The following NAALADL2 variants were observed in gnomAD, a reference collection of about 807,000 sequenced individuals.
The protein encoded by NAALADL2 is inactive N-acetylated-alpha-linked acidic dipeptidase-like protein 2.
In NAALADL2, 76 loss-of-function variants were observed where a neutral mutation model predicts 87.2. The observed-to-expected ratio is 0.87, with a 90% CI of 0.72 to 1.05. The LOEUF (loss-of-function observed/expected upper bound fraction) is 1.05, where lower values mean the gene tolerates loss of function less well. NAALADL2 is among the 50% of genes least tolerant of loss of function. The probability of loss-of-function intolerance (pLI) is 0.00; values close to 1 mark genes in which losing one functional copy is unlikely to be tolerated. For synonymous variants in NAALADL2, 354 were observed against 331.0 expected, an observed-to-expected ratio of 1.07 and a Z score of -0.75; for missense variants, 1,089 against 945.8, an observed-to-expected ratio of 1.15 and a Z score of -1.99.
intron 2 of NAALADL2, among the ~76,000 whole-genome samples, chr3:175,146,697 C>A (rs886446928): frequency 6.6e-6 from 1 of 151,988 alleles, no homozygotes; most frequent in Non-Finnish European, 1.5e-5. Flanking sequence ...CTTCGTGATG[C>A]GTATATGTTT....
At chr3:175,602,154 G>A (rs560751302) in intron 10 of NAALADL2, among the ~76,000 whole-genome samples, 12 of 152,100 alleles carry the variant, frequency 7.9e-5, no homozygotes, top group South Asian at 4.1e-4. Flanking sequence ...TCTTATCTAC[G>A]TATTGTAACT....
At chr3:174,885,453 C>T (rs555544536) in intron 1 of NAALADL2, among the ~76,000 whole-genome samples, 2 of 152,238 alleles carry the variant, frequency 1.3e-5, no homozygotes, top group East Asian at 1.9e-4. Context: ...CTTGGTTCTC[C>T]ACATATGGTC....
At chr3:174,882,388 G>A (rs1729304445) in intron 1 of NAALADL2, among the ~76,000 whole-genome samples, 1 of 151,320 alleles carries the variant, frequency 6.6e-6, no homozygotes, top group African/African-American at 2.4e-5. Context: ...GTTCTCTAGA[G>A]GAACGGAACT....
At chr3:174,941,847 T>C (rs1738655693) in intron 1 of NAALADL2, among the ~76,000 whole-genome samples, 1 of 152,164 alleles carries the variant, frequency 6.6e-6, no homozygotes, top group Non-Finnish European at 1.5e-5. Context: ...GTTTTCCATT[T>C]GCATGGTGGA....
chr3:175,575,549 T>C (rs1010000097), intron 9 of NAALADL2, among the ~76,000 whole-genome samples: 2 of 152,040 alleles, frequency 1.3e-5, no homozygotes, highest in African/African-American at 4.8e-5. Context: ...CCTCCCAAAG[T>C]GCTGGGATTA....
intron 2 of NAALADL2, among the ~76,000 whole-genome samples, chr3:175,141,933 A>G (rs1334363668): frequency 1.3e-5 from 2 of 152,124 alleles, no homozygotes; most frequent in African/African-American, 4.8e-5. Flanking sequence ...TCTCTCACAG[A>G]ACATTTATAT....
chr3:174,959,264 T>C (rs887958083), intron 1 of NAALADL2, among the ~76,000 whole-genome samples: 2 of 152,066 alleles, frequency 1.3e-5, no homozygotes, highest in African/African-American at 4.8e-5. Context: ...AACTGTTGGA[T>C]AACTATTCAC....
intron 2 of NAALADL2, among the ~76,000 whole-genome samples, chr3:175,200,303 A>G (rs577098095): frequency 6.6e-6 from 1 of 152,244 alleles, no homozygotes; most frequent in African/African-American, 2.4e-5. Flanking sequence ...ATGATGATGG[A>G]CATTTCATAA....
chr3:175,066,206 C>T (rs543794393), intron 1 of NAALADL2, among the ~76,000 whole-genome samples: 19 of 152,196 alleles, frequency 1.2e-4, no homozygotes, highest in Non-Finnish European at 2.5e-4. Context: ...GGGAAAGACA[C>T]GAGTTATAGT....
intron 2 of NAALADL2, among the ~76,000 whole-genome samples, chr3:174,557,537 C>T (rs190745827): frequency 6.6e-6 from 1 of 152,102 alleles, no homozygotes; most frequent in East Asian, 1.9e-4. Flanking sequence ...TAATAGACTC[C>T]TTTAAGAGGT....
At chr3:174,774,638 G>C (rs1714987726) in intron 3 of NAALADL2, among the ~76,000 whole-genome samples, 1 of 152,264 alleles carries the variant, frequency 6.6e-6, no homozygotes, top group African/African-American at 2.4e-5. Flanking sequence ...CCCATGGGGA[G>C]TTTTCTTTAA....
intron 3 of NAALADL2, among the ~76,000 whole-genome samples, chr3:174,787,732 G>T (rs538145948): frequency 1.3e-5 from 2 of 149,592 alleles, no homozygotes; most frequent in South Asian, 4.2e-4. Context: ...ATCTTTCTGG[G>T]TTTTTATAAA....
At chr3:174,726,010 C>G (rs562147385) in intron 2 of NAALADL2, among the ~76,000 whole-genome samples, 1 of 152,118 alleles carries the variant, frequency 6.6e-6, no homozygotes, top group Non-Finnish European at 1.5e-5. Flanking sequence ...ATTTCCTTGT[C>G]TTCAGCCTAA....
chr3:174,909,815 T>A (rs1035919989), intron 1 of NAALADL2, among the ~76,000 whole-genome samples: 2 of 152,182 alleles, frequency 1.3e-5, no homozygotes, highest in Non-Finnish European at 2.9e-5. Flanking sequence ...AGTATGAATG[T>A]CATAATTGTC....
intron 11 of NAALADL2, among the ~76,000 whole-genome samples, chr3:175,721,281 C>A (rs988080642): frequency 6.6e-6 from 1 of 151,898 alleles, no homozygotes; most frequent in Non-Finnish European, 1.5e-5. Context: ...AGGGGAAAAA[C>A]TCAGTCAAGC....
At chr3:175,520,531 C>T (rs977400523) in intron 9 of NAALADL2, among the ~76,000 whole-genome samples, 1 of 151,972 alleles carries the variant, frequency 6.6e-6, no homozygotes, top group Non-Finnish European at 1.5e-5. Context: ...ATCTCCTGAC[C>T]TCATGATCCA....
At chr3:174,778,458 T>TCCTAAC in intron 3 of NAALADL2, among the ~76,000 whole-genome samples, 1 of 151,812 alleles carries the variant, frequency 6.6e-6, no homozygotes, top group South Asian at 2.1e-4. Context: ...CTGCACCAGG[T>TCCTAAC]TTGGGTTAGG....
At chr3:175,541,927 G>T (rs1712412711) in intron 9 of NAALADL2, among the ~76,000 whole-genome samples, 1 of 152,058 alleles carries the variant, frequency 6.6e-6, no homozygotes, top group East Asian at 1.9e-4. Context: ...CACCATGTTG[G>T]CCAGGCTGTT....
chr3:175,714,781 G>T (rs1245626733), intron 11 of NAALADL2, among the ~76,000 whole-genome samples: 2 of 152,038 alleles, frequency 1.3e-5, no homozygotes, highest in African/African-American at 4.8e-5. Context: ...TGCTTTTGGT[G>T]TTTTAGTCCC....
Sources: allele counts gnomAD v4.1 joint callset (sites outside exome capture counted in the v4.1 genomes callset), GRCh38; gene constraint gnomAD v4.1.1; transcripts MANE v1.5; gene names NCBI Gene and HGNC (gene_info 2026-07-23, HGNC 2026-07-21).